NFYC: variants seen among roughly 807,000 people sequenced by gnomAD.
NFYC encodes nuclear transcription factor Y subunit gamma.
In NFYC, 25 loss-of-function variants were observed where a neutral mutation model predicts 53.1. The ratio of observed to expected loss-of-function variants is 0.47; its 90% CI spans 0.34 to 0.66. The LOEUF is 0.66. NFYC is among the 30% of genes least tolerant of loss of function. The pLI is 0.01. For synonymous variants in NFYC, 145 were observed against 152.6 expected, an observed-to-expected ratio of 0.95 and a Z score of 0.37; for missense variants, 260 against 422.7, an observed-to-expected ratio of 0.62 and a Z score of 3.38.
intron 4 of NFYC, among the ~76,000 whole-genome samples, chr1:40,750,101 G>C (rs938094318): frequency 1.1e-4 from 16 of 151,754 alleles, no homozygotes; most frequent in African/African-American, 3.4e-4. Flanking sequence ...GCTTCATTAG[G>C]CTTTTTGTTC....
chr1:40,749,369 A>G (rs1271320481), intron 3 of NFYC, among the ~76,000 whole-genome samples: 1 of 152,172 alleles, frequency 6.6e-6, no homozygotes, highest in Non-Finnish European at 1.5e-5. Context: ...GGTTTGGCGC[A>G]TGGTATGTGC....
intron 1 of NFYC, among the ~76,000 whole-genome samples, chr1:40,730,195 C>CTTTTTTTTTTT (rs34045698): frequency 5.9e-5 from 6 of 102,018 alleles, no homozygotes; most frequent in Non-Finnish European, 9.6e-5. Flanking sequence ...TCTTTCTTTT[C>CTTTTTTTTTTT]TTTTTTTTTT....
chr1:40,766,887 A>G (rs1024528340), intron 8 of NFYC, 184 bp downstream of exon 8: 21 of 1,551,064 alleles, frequency 1.4e-5, no homozygotes, highest in African/African-American at 1.2e-4. Flanking sequence ...ATTAGATTCA[A>G]AGTGTTTTCT....
chr1:40,695,229 A>G (rs1260450648), intron 1 of NFYC, among the ~76,000 whole-genome samples: 1 of 152,152 alleles, frequency 6.6e-6, no homozygotes, highest in Non-Finnish European at 1.5e-5. Flanking sequence ...ACACAGCGAG[A>G]CTCAGTCTCC....
chr1:40,759,126 CTT>C (rs1357209410), intron 6 of NFYC, among the ~76,000 whole-genome samples: 1 of 151,870 alleles, frequency 6.6e-6, no homozygotes, highest in African/African-American at 2.4e-5. Flanking sequence ...AATCCCAACA[CTT>C]TGGGAGGCCA....
intron 1 of NFYC, among the ~76,000 whole-genome samples, chr1:40,729,222 A>G (rs781494452): frequency 1.3e-5 from 2 of 152,226 alleles, no homozygotes; most frequent in African/African-American, 2.4e-5. Flanking sequence ...ATCTTCTTCC[A>G]GTAAAAGTCC....
At position 40,770,864 on chromosome 1, in the gene NFYC, A is replaced by C. The variant is rs200466030; in HGVS notation, c.*36A>C. Reference sequence around the variant, plus strand: ...TGGCAAGGCCAAGGACACCCAACACAATTTTTGCCATACAGCCCCAGGCAA... The same window carrying C: ...TGGCAAGGCCAAGGACACCCAACACCATTTTTGCCATACAGCCCCAGGCAA... On this transcript the variant is annotated 3_prime_UTR_variant, in exon 10 of 10. Transcript: ENST00000447388. The surrounding 1 kb of genome is among the most constrained non-coding windows in gnomAD (Gnocchi z 5.3). The C allele has an allele frequency of 6.3e-7, 1 of 1,599,260 alleles. No individual in the cohort carries two copies. The highest frequency in any genetic ancestry group is 1.3e-5 in the African/African-American group (1 of 74,942).
chr1:40,726,632 G>A (rs1241901469), intron 1 of NFYC, among the ~76,000 whole-genome samples: 2 of 151,984 alleles, frequency 1.3e-5, no homozygotes, highest in Non-Finnish European at 2.9e-5. Flanking sequence ...TGATCTTGAT[G>A]TCTCAAACTC....
chr1:40,703,766 C>A (rs577028875), intron 1 of NFYC, among the ~76,000 whole-genome samples: 4 of 152,288 alleles, frequency 2.6e-5, no homozygotes, highest in African/African-American at 7.2e-5. Context: ...GTTATGTGTA[C>A]CTGCTGTATA....
intron 4 of NFYC, among the ~76,000 whole-genome samples, chr1:40,752,164 T>A (rs1009978595): frequency 2.0e-5 from 3 of 152,244 alleles, no homozygotes; most frequent in African/African-American, 7.2e-5. Flanking sequence ...AATACCTGTA[T>A]ACTTACAACC....
At chr1:40,740,013 A>G (rs1455634901) in intron 2 of NFYC, among the ~76,000 whole-genome samples, 1 of 152,070 alleles carries the variant, frequency 6.6e-6, no homozygotes, top group African/African-American at 2.4e-5. Flanking sequence ...GTGGTATGAG[A>G]GTGGTAGTGG....
At chr1:40,697,128 A>G (rs1643192096) in intron 1 of NFYC, among the ~76,000 whole-genome samples, 1 of 152,246 alleles carries the variant, frequency 6.6e-6, no homozygotes, top group Non-Finnish European at 1.5e-5. Flanking sequence ...AATAACGACA[A>G]TAATACCTAC....
At chr1:40,707,169 CAAAA>C (rs750712718) in intron 1 of NFYC, among the ~76,000 whole-genome samples, 1 of 125,640 alleles carries the variant, frequency 8.0e-6, no homozygotes, top group Non-Finnish European at 1.7e-5. Flanking sequence ...GACTCTGCCT[CAAAA>C]AAAAAAAAGA....
intron 5 of NFYC, among the ~76,000 whole-genome samples, chr1:40,753,961 CAT>C (rs1646064444): frequency 6.6e-6 from 1 of 152,074 alleles, no homozygotes; most frequent in Admixed American, 6.6e-5. Context: ...ACCTTGGGTG[CAT>C]ATAGCTCTTA....
chr1:40,708,509 C>T (rs76904863), intron 1 of NFYC, among the ~76,000 whole-genome samples: 1,863 of 152,218 alleles, frequency 0.012, 50 homozygotes, highest in African/African-American at 0.043. Flanking sequence ...TTTGTCATTC[C>T]CCCCAACCCC....
At chr1:40,744,896 A>G (rs548768196) in intron 2 of NFYC, among the ~76,000 whole-genome samples, 3 of 152,214 alleles carry the variant, frequency 2.0e-5, no homozygotes, top group South Asian at 2.1e-4. Flanking sequence ...AAATCCTTAC[A>G]TGTAACTAGA....
At chr1:40,712,387 ACT>A (rs1643957995) in intron 1 of NFYC, 1 of 151,622 alleles carries the variant, frequency 6.6e-6, no homozygotes, top group Non-Finnish European at 1.5e-5. Flanking sequence ...TTTTTAAAAA[ACT>A]CTTGTTAGAT....
intron 1 of NFYC, chr1:40,723,701 C>G (rs1470285666): frequency 1.3e-5 from 2 of 152,056 alleles, no homozygotes; most frequent in Non-Finnish European, 2.9e-5. Context: ...TCTTGCTCTG[C>G]TGTTCCTGCT....
intron 7 of NFYC, 139 bp from the exon 8 acceptor site, chr1:40,766,457 A>G (rs1646814828): frequency 3.1e-6 from 2 of 635,372 alleles, no homozygotes; most frequent in African/African-American, 3.7e-5. Context: ...CCTCTGTTTA[A>G]AAGGGACTTT....
Sources: allele counts gnomAD v4.1 joint callset (sites outside exome capture counted in the v4.1 genomes callset), GRCh38; gene constraint gnomAD v4.1.1; non-coding constraint Gnocchi (gnomAD v3.1); transcripts MANE v1.5; gene names NCBI Gene and HGNC (gene_info 2026-07-23, HGNC 2026-07-21).